Variants in KCNH5 observed in about 807,000 individuals in gnomAD.
KCNH5 encodes the protein voltage-gated delayed rectifier potassium channel KCNH5.
Under a neutral mutation model 96.1 loss-of-function variants are expected in KCNH5, and 46 were observed. That is an observed-to-expected ratio of 0.48 (90% CI 0.38 to 0.61). KCNH5 has a LOEUF of 0.61. Among genes scored for constraint, KCNH5 ranks in the 20% least tolerant of loss-of-function variants. The pLI, the probability that KCNH5 is intolerant of heterozygous loss-of-function variation, is 0.00. For missense variants in KCNH5, 907 were observed against 1,225.8 expected, an observed-to-expected ratio of 0.74 and a Z score of 3.88; for synonymous variants, 439 against 449.8, an observed-to-expected ratio of 0.98 and a Z score of 0.30.
chr14:62,820,090 G>GA (rs761110259), intron 8 of KCNH5, among the ~76,000 whole-genome samples: 2 of 152,102 alleles, frequency 1.3e-5, no homozygotes, highest in African/African-American at 2.4e-5. Flanking sequence ...ATCTCACTAG[G>GA]AAGACAAGAC....
At chr14:62,778,583 C>A (rs1886145564) in intron 10 of KCNH5, among the ~76,000 whole-genome samples, 1 of 152,258 alleles carries the variant, frequency 6.6e-6, no homozygotes, top group Non-Finnish European at 1.5e-5. Flanking sequence ...CCCTTTCCCA[C>A]ATTCATCATT....
intron 7 of KCNH5, among the ~76,000 whole-genome samples, chr14:62,878,773 T>G (rs376653699): frequency 6.6e-6 from 1 of 152,302 alleles, no homozygotes; most frequent in African/African-American, 2.4e-5. Context: ...GCTTAAGATG[T>G]CAGCAGGGTT....
chr14:62,998,435 G>A (rs775794343), intron 4 of KCNH5, among the ~76,000 whole-genome samples: 1 of 151,982 alleles, frequency 6.6e-6, no homozygotes, highest in Non-Finnish European at 1.5e-5. Context: ...CTCTAATGTT[G>A]TCCTGTTGCC....
At chr14:62,819,059 C>T (rs188470714) in intron 8 of KCNH5, among the ~76,000 whole-genome samples, 105 of 152,254 alleles carry the variant, frequency 6.9e-4, no homozygotes, top group African/African-American at 2.4e-3. Flanking sequence ...CTCCGCCTTC[C>T]GGGTTCACGC....
At chr14:62,917,764 AC>A (rs1889303534) in intron 7 of KCNH5, among the ~76,000 whole-genome samples, 1 of 152,048 alleles carries the variant, frequency 6.6e-6, no homozygotes, top group Non-Finnish European at 1.5e-5. Flanking sequence ...CCCAAAGCAT[AC>A]CCCACATTAT....
chr14:62,944,367 T>C (rs74976283), intron 7 of KCNH5, among the ~76,000 whole-genome samples: 2 of 152,140 alleles, frequency 1.3e-5, no homozygotes, highest in Non-Finnish European at 2.9e-5. Flanking sequence ...TTTTCTGTTT[T>C]TGAGTTATAA....
intron 9 of KCNH5, among the ~76,000 whole-genome samples, chr14:62,780,609 C>T (rs1304916724): frequency 7.2e-5 from 11 of 152,122 alleles, no homozygotes; most frequent in African/African-American, 1.4e-4. Flanking sequence ...CAAATGTAGA[C>T]GTCTTTTAAA....
chr14:62,883,988 A>G (rs985860305), intron 7 of KCNH5, among the ~76,000 whole-genome samples: 2 of 152,176 alleles, frequency 1.3e-5, no homozygotes, highest in African/African-American at 4.8e-5. Flanking sequence ...AGACACAGAG[A>G]TATAACAAGT....
At position 62,737,506 on chromosome 14, in the gene KCNH5, A is replaced by T. The variant is rs539869497; in HGVS notation, c.2020-29051T>A. On this transcript the variant is annotated intron_variant, in intron 10 of 10. Coordinates refer to ENST00000322893, the MANE Select transcript of KCNH5 (RefSeq NM_139318.5). ...TATTCGTCTGTTAAAATGAGAAGAA[A>T]TCCAGCCTACCTCACAGCATTCTCC... 1.7e-3 allele frequency among the ~76,000 whole-genome samples: 260 copies of T among 152,268 alleles called. 2 individuals are homozygous for T. Among genetic ancestry groups the T allele is most frequent in the African/African-American group, 6.1e-3 (255 of 41,556 alleles).
intron 7 of KCNH5, among the ~76,000 whole-genome samples, chr14:62,850,618 C>T (rs574010558): frequency 6.6e-6 from 1 of 152,236 alleles, no homozygotes; most frequent in South Asian, 2.1e-4. Flanking sequence ...CCCTCCTCCT[C>T]AATCCATAAT....
Position 62,738,448 on chromosome 14 carries a change from C to T in KCNH5, c.2020-29993G>A, listed in dbSNP as rs565001752. 2.0e-5 allele frequency among the ~76,000 whole-genome samples: 3 copies of T among 152,230 alleles called. No individual in the cohort carries two copies. The East Asian group carries it at 5.8e-4, about 29-fold the overall frequency. On this transcript the variant is annotated intron_variant, in intron 10 of 10. Transcript: ENST00000322893. ...TAAGCTTTCTGGGTGCCTCAAAGAG[C>T]TCATTATGAGTGAATGAGACTCAAT...
At chr14:62,835,773 AC>A (rs1387332261) in intron 8 of KCNH5, among the ~76,000 whole-genome samples, 2 of 151,922 alleles carry the variant, frequency 1.3e-5, no homozygotes, top group East Asian at 3.9e-4. Context: ...GTTACAAGAA[AC>A]AAAAATTAGA....
intron 6 of KCNH5, among the ~76,000 whole-genome samples, chr14:62,950,893 G>C (rs1594641577): frequency 6.6e-6 from 1 of 152,140 alleles, no homozygotes; most frequent in Non-Finnish European, 1.5e-5. Flanking sequence ...TATATACAGA[G>C]TATACAAATA....
intron 9 of KCNH5, among the ~76,000 whole-genome samples, chr14:62,785,149 G>A (rs982301340): frequency 6.6e-6 from 1 of 152,126 alleles, no homozygotes; most frequent in South Asian, 2.1e-4. Context: ...TGTCACCTAT[G>A]AGGCAATCAA....
rs1891905442 is a variant in KCNH5, at chr14:63,045,356, G to A, written c.-170C>T. 3.1e-6 allele frequency: 2 copies of A among 638,658 alleles called. No individual in the cohort carries two copies. The highest frequency in any genetic ancestry group is 5.5e-5 in the East Asian group (2 of 36,614). 39.6% of individuals were successfully genotyped at this position (638,658 alleles called of 1,614,324 possible). A position where few individuals can be genotyped will look rare whatever the true frequency, so the allele number is the denominator to read the frequency against. On this transcript the variant is annotated 5_prime_UTR_variant, in exon 1 of 11. Transcript: ENST00000322893. ...ACTGTGTCTCCAGCCCGACCCGGAT[G>A]AGCAGCTCTGGGGAGGAGGACCAGG...
At chr14:62,944,364 T>G (rs202208858) in intron 7 of KCNH5, among the ~76,000 whole-genome samples, 2 of 152,240 alleles carry the variant, frequency 1.3e-5, no homozygotes, top group South Asian at 2.1e-4. Flanking sequence ...CATTTTTCTG[T>G]TTTTGAGTTA....
rs142699720 is a variant in KCNH5, at chr14:62,861,637, T to TACACACACACACAC, written c.1370-11799_1370-11786dup. 1.1e-3 allele frequency among the ~76,000 whole-genome samples: 160 copies of TACACACACACACAC among 141,912 alleles called. 1 individual carries two copies. The highest frequency in any genetic ancestry group is 4.0e-3 in the African/African-American group (151 of 37,442). 93.1% of individuals were successfully genotyped at this position (141,912 alleles called of 152,430 possible). A position where few individuals can be genotyped will look rare whatever the true frequency, so the allele number is the denominator to read the frequency against. The stretch of plus-strand genomic sequence containing the variant: ...CACATTTCCCCCCACCATCTCCATT[T>TACACACACACACAC]ACACACACACACACACACACACACA... On this transcript the variant is annotated intron_variant, in intron 7 of 10. Coordinates refer to ENST00000322893, the MANE Select transcript of KCNH5 (RefSeq NM_139318.5).
intron 6 of KCNH5, among the ~76,000 whole-genome samples, chr14:62,962,223 C>G (rs150663460): frequency 6.6e-6 from 1 of 152,094 alleles, no homozygotes; most frequent in Non-Finnish European, 1.5e-5. Context: ...TCAAATACAA[C>G]CTCCTTGTTT....
At chr14:62,968,936 C>T (rs1890353702) in intron 6 of KCNH5, among the ~76,000 whole-genome samples, 1 of 152,016 alleles carries the variant, frequency 6.6e-6, no homozygotes, top group Non-Finnish European at 1.5e-5. Context: ...CTTCTCTGAG[C>T]CTATAGATGA....
Sources: allele counts gnomAD v4.1 joint callset (sites outside exome capture counted in the v4.1 genomes callset), GRCh38; gene constraint gnomAD v4.1.1; transcripts MANE v1.5; gene names NCBI Gene and HGNC (gene_info 2026-07-23, HGNC 2026-07-21).